Variants in FNBP4 observed in about 807,000 individuals in gnomAD.
FNBP4 encodes the protein formin-binding protein 4.
FNBP4 carries 34 observed loss-of-function variants against 119.3 expected under a neutral mutation model. The ratio of observed to expected loss-of-function variants is 0.28; its 90% CI spans 0.22 to 0.38. The LOEUF (loss-of-function observed/expected upper bound fraction) is 0.38. FNBP4 is among the 10% of genes least tolerant of loss of function. The pLI is 1.00. For synonymous variants in FNBP4, 462 were observed against 430.6 expected, an observed-to-expected ratio of 1.07 and a Z score of -0.90; for missense variants, 1,112 against 1,228.9, an observed-to-expected ratio of 0.90 and a Z score of 1.42.
At chr11:47,720,613 T>C (rs1246943889) in intron 15 of FNBP4, among the ~76,000 whole-genome samples, 1 of 151,334 alleles carries the variant, frequency 6.6e-6, no homozygotes, top group Non-Finnish European at 1.5e-5. Flanking sequence ...CTATAAAGCT[T>C]TGTAAATGCG....
intron 2 of FNBP4, among the ~76,000 whole-genome samples, chr11:47,759,079 C>G (rs1177476669): frequency 6.6e-6 from 1 of 151,816 alleles, no homozygotes; most frequent in African/African-American, 2.4e-5. Flanking sequence ...GCCACCACGA[C>G]CTGCTAATTT....
chr11:47,766,464 C>G lies in FNBP4; in HGVS notation c.220+605G>C, dbSNP rs533327020. On this transcript the variant is annotated intron_variant, in intron 1 of 16. Coordinates refer to ENST00000263773, the MANE Select transcript of FNBP4 (RefSeq NM_015308.5). ...GGATTTTTTCCAATTAACGAACCAG[C>G]GTGATCTCTGAACATGTGAAACGGT... Among the ~76,000 whole-genome samples, 9 of 152,312 alleles carry G rather than the reference C, an allele frequency of 5.9e-5. No individual in the cohort carries two copies. In the South Asian group the frequency reaches 1.4e-3, roughly 25 times the overall value.
In FNBP4 at chr11:47,740,744, C is replaced by T. The variant is rs576407192; in HGVS notation, c.1456+3209G>A. ...AGTAGCTGGGATTACAGGCGAGCAC[C>T]ACCAGGTGCAGATAATTTTGTATTT... On this transcript the variant is annotated intron_variant, in intron 8 of 16. Transcript: ENST00000263773. Among the ~76,000 whole-genome samples the T allele has an allele frequency of 1.0e-3, 154 of 151,734 alleles. 1 individual carries two copies. The highest frequency in any genetic ancestry group is 1.6e-3 in the Non-Finnish European group (106 of 67,998).
chr11:47,729,199 C>A (rs1408847949), intron 12 of FNBP4: 1 of 985,126 alleles, frequency 1.0e-6, no homozygotes, highest in African/African-American at 1.7e-5. Context: ...AATTTTCCCC[C>A]CAAAGAGAAA....
chr11:47,735,929 T>C (rs1042385459), intron 9 of FNBP4, among the ~76,000 whole-genome samples: 2 of 151,722 alleles, frequency 1.3e-5, no homozygotes, highest in Non-Finnish European at 2.9e-5. Flanking sequence ...AATAAAAAAA[T>C]TAGCCAGGCG....
At chr11:47,727,415 A>C (rs1046634742) in intron 12 of FNBP4, among the ~76,000 whole-genome samples, 3 of 151,908 alleles carry the variant, frequency 2.0e-5, no homozygotes, top group East Asian at 3.9e-4. Flanking sequence ...ACATCCAGCT[A>C]ATTTTTGTAT....
At chr11:47,747,622 G>A (rs1169953233) in intron 6 of FNBP4, among the ~76,000 whole-genome samples, 2 of 152,086 alleles carry the variant, frequency 1.3e-5, no homozygotes, top group South Asian at 2.1e-4. Flanking sequence ...AGAAAATTTA[G>A]TAAGTATGCC....
At chr11:47,731,613 A>G (rs1349980497) in intron 11 of FNBP4, 52 bp from the exon 12 acceptor site, 3 of 1,556,606 alleles carry the variant, frequency 1.9e-6, no homozygotes, top group Non-Finnish European at 2.6e-6. Flanking sequence ...TCCTACAAAG[A>G]CACTTCCATT....
In FNBP4 at chr11:47,753,078, G is replaced by T; in HGVS notation, c.475C>A (p.Gln159Lys). ...LAEIDAITAP[Q>K]PAAPVGASAP... Reference sequence around the variant, plus strand: ...GAAGCTCCTACAGGAGCTGCAGGCTGAGGAGCTGTTATGGCATCGATCTCC... The same window carrying T: ...GAAGCTCCTACAGGAGCTGCAGGCTTAGGAGCTGTTATGGCATCGATCTCC... The change falls in exon 4 of 17, where the codon CAG becomes AAG. Residue 159 changes from glutamine to lysine, a missense_variant. This residue lies in a region of FNBP4 where 286 missense variants were observed against 240.1 expected (regional missense o/e 1.19). Transcript: ENST00000263773. 6.2e-7 allele frequency: 1 copy of T among 1,613,284 alleles called. No homozygotes were observed. Among genetic ancestry groups the T allele is most frequent in the Non-Finnish European group, 8.5e-7 (1 of 1,179,784 alleles).
At chr11:47,725,764 G>A (rs190467700) in intron 12 of FNBP4, 3 of 980,652 alleles carry the variant, frequency 3.1e-6, no homozygotes, top group East Asian at 2.3e-4. Context: ...CCTCTTTATC[G>A]TCAATAGGGA....
chr11:47,723,201 T>C lies in FNBP4; in HGVS notation c.2580A>G (p.Ser860=), dbSNP rs140637382. 64 of 1,614,182 alleles carry C rather than the reference T, an allele frequency of 4.0e-5. No individual in the cohort carries two copies. In the South Asian group the frequency reaches 4.8e-4, roughly 12 times the overall value. The change falls in exon 15 of 17, where the codon TCA becomes TCG. Residue 860 remains serine (S), a synonymous_variant. Transcript: ENST00000263773. ...GHQARGMSLQ[S]NYLGLAAAPA... is the part of the protein sequence containing the mutation. ...GTGCTGCCGCTAGTCCAAGGTAATT[T>C]GACTGCAGGCTCATTCCTCTGGCCT... is the stretch of plus-strand genomic sequence containing the variant.
rs1045937731 is a variant in FNBP4, at chr11:47,746,529, T to C, written c.907-135A>G. ...TCAAGGTAAAAACGACTTTTTTTTT[T>C]TTTGAGATGGAGTCTCGCACTGTCA... is the stretch of plus-strand genomic sequence containing the variant. On this transcript the variant is annotated intron_variant, in intron 6 of 16. Transcript: ENST00000263773. 6.4e-6 allele frequency: 5 copies of C among 781,604 alleles called. No individual in the cohort carries two copies. The African/African-American group carries it at 8.7e-5, about 14-fold the overall frequency. The allele number at this position is 781,604 out of a possible 1,614,324, so 48.4% of individuals were successfully genotyped here. A position where few individuals can be genotyped will look rare whatever the true frequency, so the allele number is the denominator to read the frequency against.
Position 47,731,447 on chromosome 11 carries a change from A to C in FNBP4, c.1935T>G (p.Thr645=). Residue 645 remains threonine, a synonymous_variant, in exon 12 of 17, where the codon ACT becomes ACG. Transcript: ENST00000263773. Reference sequence around the variant, plus strand: ...TGTCTTTCAAGGTCTGTTTGGCAAGAGTCTCATCTCTATTTTCTTGTGCTT... The same window carrying C: ...TGTCTTTCAAGGTCTGTTTGGCAAGCGTCTCATCTCTATTTTCTTGTGCTT... ...ESQAQENRDE[T]LAKQTLKDKT... is the part of the protein sequence containing the mutation. 6.2e-7 allele frequency: 1 copy of C among 1,613,748 alleles called. No homozygotes were observed. The highest frequency in any genetic ancestry group is 8.5e-7 in the Non-Finnish European group (1 of 1,179,810).
intron 2 of FNBP4, among the ~76,000 whole-genome samples, chr11:47,760,038 C>G (rs1274633153): frequency 6.6e-6 from 1 of 152,112 alleles, no homozygotes; most frequent in African/African-American, 2.4e-5. Context: ...ATCAGGTAAG[C>G]TGCATGGTAT....
intron 4 of FNBP4, among the ~76,000 whole-genome samples, chr11:47,751,808 C>T (rs996333859): frequency 2.6e-5 from 4 of 151,860 alleles, no homozygotes; most frequent in Admixed American, 6.6e-5. Context: ...AAAAATTGGG[C>T]GTGGTGGTGC....
chr11:47,723,307 G>C lies in FNBP4; in HGVS notation c.2474C>G (p.Ala825Gly). 5.6e-6 allele frequency: 9 copies of C among 1,608,384 alleles called. No homozygotes were observed. Among genetic ancestry groups the C allele is most frequent in the Non-Finnish European group, 7.7e-6 (9 of 1,175,972 alleles). Residue 825 changes from alanine to glycine, a missense_variant, in exon 15 of 17, where the codon GCA becomes GGA. Ala to Gly is a moderately conservative substitution (Grantham distance 60). Coordinates refer to ENST00000263773, the MANE Select transcript of FNBP4 (RefSeq NM_015308.5). ...SQSAIATGHQ[A>G]AGIGNQATGI... ...TGTTGCCTGGTTTCCAATCCCTGCT[G>C]CCTGGTGACCTAACACAGAAAACAT... is the stretch of plus-strand genomic sequence containing the variant.
intron 10 of FNBP4, among the ~76,000 whole-genome samples, chr11:47,733,129 C>T (rs2097569418): frequency 6.6e-6 from 1 of 152,118 alleles, no homozygotes; most frequent in South Asian, 2.1e-4. Context: ...AAAAAACATC[C>T]CAAGTACGCA....
chr11:47,724,390 A>G (rs910668300), intron 13 of FNBP4, 78 bp downstream of exon 13: 3 of 1,603,936 alleles, frequency 1.9e-6, no homozygotes, highest in African/African-American at 1.3e-5. Context: ...CTTTAAACAT[A>G]TGCTTCTAAA....
At chr11:47,753,207 G>T in intron 3 of FNBP4, 105 bp from the exon 4 acceptor site, 1 of 840,586 alleles carries the variant, frequency 1.2e-6, no homozygotes, top group Non-Finnish European at 1.8e-6. Flanking sequence ...GGGCACAGTG[G>T]CTCACACCTA....
Sources: gnomAD v4.1 joint callset for allele counts (sites outside exome capture counted in the v4.1 genomes callset) on GRCh38, gnomAD v4.1.1 for gene constraint, gnomAD v4.1.1 regional missense constraint, MANE v1.5 for transcripts, NCBI Gene and HGNC (gene_info 2026-07-23, HGNC 2026-07-21) for gene names.